SNX29: variants seen among roughly 807,000 people sequenced by gnomAD.
SNX29 encodes the protein sorting nexin-29.
A neutral mutation model predicts 102.1 loss-of-function variants in SNX29; 78 were observed. That is an observed-to-expected ratio of 0.76 (90% CI 0.64 to 0.92). The LOEUF (loss-of-function observed/expected upper bound fraction) is 0.92, where lower values mean the gene tolerates loss of function less well. Ranked by LOEUF, SNX29 falls within the 40% of genes least tolerant of loss-of-function variation. SNX29 has a pLI of 0.00. For missense variants in SNX29, 1,280 were observed against 1,061.7 expected, an observed-to-expected ratio of 1.21 and a Z score of -2.86; for synonymous variants, 580 against 414.5, an observed-to-expected ratio of 1.40 and a Z score of -4.85.
chr16:12,121,257 A>G (rs927044438), intron 11 of SNX29, among the ~76,000 whole-genome samples: 7 of 152,158 alleles, frequency 4.6e-5, no homozygotes, highest in East Asian at 3.9e-4. Context: ...ATGAAGAGCA[A>G]TGGGAATCAC....
intron 3 of SNX29, among the ~76,000 whole-genome samples, chr16:12,010,545 G>C (rs2056613070): frequency 6.6e-6 from 1 of 152,144 alleles, no homozygotes; most frequent in African/African-American, 2.4e-5. Flanking sequence ...AGGATCACTT[G>C]AGCCTAGGAG....
At chr16:12,279,281 C>T (rs2079355375) in intron 15 of SNX29, among the ~76,000 whole-genome samples, 1 of 152,186 alleles carries the variant, frequency 6.6e-6, no homozygotes, top group African/African-American at 2.4e-5. Flanking sequence ...AGGGTGTTCC[C>T]CTAAGTTCAT....
intron 13 of SNX29, among the ~76,000 whole-genome samples, chr16:12,145,903 G>A (rs191327279): frequency 3.2e-4 from 49 of 152,160 alleles, no homozygotes; most frequent in African/African-American, 1.2e-3. Context: ...AACCTATTCC[G>A]CCTTTTAAAA....
intron 19 of SNX29, among the ~76,000 whole-genome samples, chr16:12,507,646 T>C (rs956556284): frequency 6.6e-6 from 1 of 152,188 alleles, no homozygotes; most frequent in African/African-American, 2.4e-5. Context: ...TTGGGACATG[T>C]CTGGACTGAA....
intron 14 of SNX29, among the ~76,000 whole-genome samples, chr16:12,205,464 G>A (rs574846249): frequency 6.6e-6 from 1 of 152,278 alleles, no homozygotes; most frequent in African/African-American, 2.4e-5. Context: ...TCTTCCCTAA[G>A]TTCCAACCTC....
intron 7 of SNX29, 124 bp downstream of exon 7, chr16:12,048,744 A>G (rs2050189396): frequency 2.0e-6 from 3 of 1,521,610 alleles, no homozygotes; most frequent in African/African-American, 1.4e-5. Flanking sequence ...TGCGTTTTCC[A>G]TTTGTGTTTC....
chr16:12,408,181 A>AAAAAAAAAAAAAAAAAC (rs1567533282), intron 18 of SNX29, among the ~76,000 whole-genome samples: 2 of 148,662 alleles, frequency 1.3e-5, no homozygotes, highest in African/African-American at 5.0e-5. Flanking sequence ...AACAAACAAA[A>AAAAAAAAAAAAAAAAAC]AAAAAACTAG....
intron 9 of SNX29, among the ~76,000 whole-genome samples, chr16:12,064,690 C>G (rs1247818020): frequency 6.6e-6 from 1 of 152,242 alleles, no homozygotes; most frequent in Non-Finnish European, 1.5e-5. Flanking sequence ...CGCCAGGTTG[C>G]ATCAAGTCCC....
At chr16:12,195,281 C>CT (rs1033802513) in intron 13 of SNX29, among the ~76,000 whole-genome samples, 68 of 152,368 alleles carry the variant, frequency 4.5e-4, no homozygotes, top group African/African-American at 1.6e-3. Context: ...TCCACCCACT[C>CT]TTACATTATC....
chr16:12,398,646 GT>G, intron 17 of SNX29, 145 bp downstream of exon 17: 7 of 874,488 alleles, frequency 8.0e-6, no homozygotes, highest in Non-Finnish European at 1.3e-5. Flanking sequence ...GCTGGTAGGA[GT>G]CGCTCTCCTA....
chr16:12,474,204 A>T (rs925784229), intron 18 of SNX29, among the ~76,000 whole-genome samples: 1 of 152,186 alleles, frequency 6.6e-6, no homozygotes, highest in African/African-American at 2.4e-5. Context: ...TCAGCTGAAA[A>T]GGGAGTGTTC....
intron 11 of SNX29, among the ~76,000 whole-genome samples, chr16:12,092,503 T>C (rs2052598964): frequency 6.6e-6 from 1 of 152,178 alleles, no homozygotes; most frequent in South Asian, 2.1e-4. Flanking sequence ...CCTTTTTTCC[T>C]CTTGTGTCAG....
chr16:12,035,227 A>G (rs62037706), intron 4 of SNX29, among the ~76,000 whole-genome samples: 1 of 144,348 alleles, frequency 6.9e-6, no homozygotes, highest in Non-Finnish European at 1.5e-5. Context: ...TTTTTTTTAA[A>G]TAAGAGACAG....
chr16:12,541,290 A>G (rs775686953), intron 20 of SNX29, among the ~76,000 whole-genome samples: 2 of 152,206 alleles, frequency 1.3e-5, no homozygotes, highest in African/African-American at 2.4e-5. Flanking sequence ...GAATACCACT[A>G]ACAGTGGGGA....
intron 15 of SNX29, among the ~76,000 whole-genome samples, chr16:12,345,739 G>T (rs1487283568): frequency 6.6e-6 from 1 of 152,192 alleles, no homozygotes; most frequent in African/African-American, 2.4e-5. Context: ...ACAGTGGGAA[G>T]GTGGGGGTGC....
intron 18 of SNX29, among the ~76,000 whole-genome samples, chr16:12,476,594 A>G (rs1465128101): frequency 6.6e-6 from 1 of 150,636 alleles, no homozygotes; most frequent in Non-Finnish European, 1.5e-5. Flanking sequence ...ATGGAATGAC[A>G]TTATTGCTCC....
At chr16:12,230,851 T>A (rs559624588) in intron 14 of SNX29, among the ~76,000 whole-genome samples, 1 of 152,130 alleles carries the variant, frequency 6.6e-6, no homozygotes, top group African/African-American at 2.4e-5. Flanking sequence ...TATGTATATA[T>A]GTATGTACTT....
chr16:12,534,701 C>G (rs574034831), intron 20 of SNX29, among the ~76,000 whole-genome samples: 2 of 152,220 alleles, frequency 1.3e-5, no homozygotes, highest in Admixed American at 1.3e-4. Context: ...CTTTTCTTGG[C>G]GTTGCCACTC....
At chr16:12,531,769 A>G (rs169774) in intron 20 of SNX29, among the ~76,000 whole-genome samples, 10,474 of 152,268 alleles carry the variant, frequency 0.069, 485 homozygotes, top group African/African-American at 0.13. Flanking sequence ...AAACTGGTCT[A>G]CGTGCATCCT....
Sources: allele counts gnomAD v4.1 joint callset (sites outside exome capture counted in the v4.1 genomes callset), GRCh38; gene constraint gnomAD v4.1.1; transcripts MANE v1.5; gene names NCBI Gene and HGNC (gene_info 2026-07-23, HGNC 2026-07-21).